ADAMTS17: variants seen among roughly 807,000 people sequenced by gnomAD.
ADAMTS17 encodes A disintegrin and metalloproteinase with thrombospondin motifs 17.
A neutral mutation model predicts 141.5 loss-of-function variants in ADAMTS17; 113 were observed. That is an observed-to-expected ratio of 0.80 (90% CI 0.69 to 0.93). ADAMTS17 has a LOEUF of 0.93. Among genes scored for constraint, ADAMTS17 ranks in the 40% least tolerant of loss-of-function variants. The probability of loss-of-function intolerance (pLI) is 0.00; values close to 1 mark genes in which losing one functional copy is unlikely to be tolerated. For missense variants in ADAMTS17, 1,659 were observed against 1,517.9 expected, an observed-to-expected ratio of 1.09 and a Z score of -1.54; for synonymous variants, 768 against 630.6, an observed-to-expected ratio of 1.22 and a Z score of -3.27.
At position 100,328,295 on chromosome 15, in the gene ADAMTS17, T is replaced by A. The variant is rs115709115; in HGVS notation, c.616+2594A>T. On this transcript the variant is annotated intron_variant, in intron 3 of 21. Transcript: ENST00000268070. ...TGTTTGAAAGCTAATCCAAACTAGA[T>A]AGGGCCTAACTGACTGCTCATTAGC... is the stretch of plus-strand genomic sequence containing the variant. Among the ~76,000 whole-genome samples the A allele has an allele frequency of 1.9e-3, 287 of 152,334 alleles. 1 individual carries two copies. The highest frequency in any genetic ancestry group is 6.6e-3 in the African/African-American group (274 of 41,586).
At position 100,055,508 on chromosome 15, in the gene ADAMTS17, C is replaced by G. The variant is rs529940984; in HGVS notation, c.2138-1454G>C. On this transcript the variant is annotated intron_variant, in intron 15 of 21. Coordinates refer to ENST00000268070, the MANE Select transcript of ADAMTS17 (RefSeq NM_139057.4). ...GTGTTAGAGGGACTGCCAAGAGAAA[C>G]AGGTTCCTCGCTTCTAGGAACTTTC... Among the ~76,000 whole-genome samples, 5 of 152,288 alleles carry G rather than the reference C, an allele frequency of 3.3e-5. No homozygotes were observed. In the South Asian group the frequency reaches 1.0e-3, roughly 32 times the overall value.
chr15:100,310,439 G>A (rs1020964419), intron 3 of ADAMTS17, among the ~76,000 whole-genome samples: 2 of 152,204 alleles, frequency 1.3e-5, no homozygotes, highest in Non-Finnish European at 1.5e-5. Flanking sequence ...CTTCGCAGGG[G>A]CCCAGCAGGC....
At chr15:100,096,201 T>C (rs2035746086) in intron 15 of ADAMTS17, among the ~76,000 whole-genome samples, 155 bp downstream of exon 15, 1 of 152,216 alleles carries the variant, frequency 6.6e-6, no homozygotes, top group African/African-American at 2.4e-5. Flanking sequence ...TAAAATGTCC[T>C]TTCTTGCTTT....
intron 6 of ADAMTS17, 52 bp from the exon 7 acceptor site, chr15:100,254,231 G>A (rs747923862): frequency 2.0e-5 from 30 of 1,537,594 alleles, no homozygotes; most frequent in Non-Finnish European, 2.5e-5. Flanking sequence ...CCAAGAATGG[G>A]AGAAGAAAAC....
chr15:100,286,960 T>A (rs1322403878), intron 3 of ADAMTS17, among the ~76,000 whole-genome samples: 1 of 152,170 alleles, frequency 6.6e-6, no homozygotes, highest in African/African-American at 2.4e-5. Flanking sequence ...AAGGCCGAAG[T>A]GGGCGGATCA....
At chr15:100,134,342 C>T (rs1298575192) in intron 10 of ADAMTS17, among the ~76,000 whole-genome samples, 1 of 152,210 alleles carries the variant, frequency 6.6e-6, no homozygotes, top group Non-Finnish European at 1.5e-5. Flanking sequence ...CTACTTGCAC[C>T]CAAATCCTGG....
At chr15:100,072,731 C>A (rs1036827087) in intron 15 of ADAMTS17, among the ~76,000 whole-genome samples, 66 of 152,264 alleles carry the variant, frequency 4.3e-4, no homozygotes, top group Non-Finnish European at 7.9e-4. Context: ...TGGATCCCCT[C>A]CTTACACCTT....
intron 3 of ADAMTS17, among the ~76,000 whole-genome samples, chr15:100,312,025 G>A (rs553142415): frequency 1.3e-5 from 2 of 152,324 alleles, no homozygotes; most frequent in East Asian, 1.9e-4. Context: ...CTGCAGGAGG[G>A]ATGGTCGTCC....
At chr15:100,050,348 C>A (rs190964396) in intron 17 of ADAMTS17, among the ~76,000 whole-genome samples, 1 of 152,164 alleles carries the variant, frequency 6.6e-6, no homozygotes, top group Admixed American at 6.5e-5. Context: ...TGGCTGGAAT[C>A]AGAGGTAGAT....
intron 8 of ADAMTS17, among the ~76,000 whole-genome samples, chr15:100,195,543 C>T (rs932660902): frequency 2.0e-5 from 3 of 149,068 alleles, no homozygotes; most frequent in Non-Finnish European, 4.4e-5. Context: ...TTCACATTTT[C>T]ACCGGCATCA....
chr15:100,057,995 G>A (rs950468017), intron 15 of ADAMTS17, among the ~76,000 whole-genome samples: 6 of 152,006 alleles, frequency 3.9e-5, no homozygotes, highest in South Asian at 2.1e-4. Context: ...GGCAGAACAG[G>A]CGAGGAAAGA....
intron 8 of ADAMTS17, among the ~76,000 whole-genome samples, chr15:100,173,754 C>A (rs899279610): frequency 1.3e-5 from 2 of 152,220 alleles, no homozygotes; most frequent in African/African-American, 4.8e-5. Flanking sequence ...ACTTGGGAAA[C>A]TTTTAACACA....
intron 13 of ADAMTS17, 36 bp downstream of exon 13, chr15:100,116,811 G>A (rs1333307637): frequency 6.2e-7 from 1 of 1,613,762 alleles, no homozygotes; most frequent in Non-Finnish European, 8.5e-7. Flanking sequence ...GGGAGGACAG[G>A]AGGCTGCCAT....
rs1296406009 is a variant in ADAMTS17, at chr15:100,225,767, T to TG, written c.1076-26345_1076-26344insC. ...GTCCTTATAGCAGTCATAGCCTCTG[T>TG]CCCATTCTGTCCTTACAGCAGTCAC... On this transcript the variant is annotated intron_variant, in intron 7 of 21. Coordinates refer to ENST00000268070, the MANE Select transcript of ADAMTS17 (RefSeq NM_139057.4). 2.4e-3 allele frequency among the ~76,000 whole-genome samples: 349 copies of TG among 144,874 alleles called. 1 individual carries two copies. The highest frequency in any genetic ancestry group is 8.8e-3 in the East Asian group (40 of 4,564).
chr15:100,158,555 C>G (rs1004532770), intron 8 of ADAMTS17, among the ~76,000 whole-genome samples: 7 of 152,178 alleles, frequency 4.6e-5, no homozygotes, highest in African/African-American at 1.4e-4. Context: ...CTGAGCTCCA[C>G]TGAAACTCGA....
chr15:100,121,953 T>C (rs940090088), intron 12 of ADAMTS17, among the ~76,000 whole-genome samples: 6 of 152,162 alleles, frequency 3.9e-5, no homozygotes, highest in African/African-American at 1.4e-4. Flanking sequence ...ACATCTTAAG[T>C]GTGGCTTCCC....
At chr15:100,309,104 G>A (rs2045321628) in intron 3 of ADAMTS17, among the ~76,000 whole-genome samples, 1 of 152,244 alleles carries the variant, frequency 6.6e-6, no homozygotes, top group African/African-American at 2.4e-5. Flanking sequence ...GCTCAAGCCT[G>A]TGATCCCAGC....
chr15:100,206,781 C>G (rs2041585887), intron 7 of ADAMTS17, among the ~76,000 whole-genome samples: 1 of 152,186 alleles, frequency 6.6e-6, no homozygotes, highest in Admixed American at 6.5e-5. Context: ...TTCAGAGATT[C>G]AAATGCGACC....
intron 10 of ADAMTS17, among the ~76,000 whole-genome samples, chr15:100,147,522 A>G (rs2038966095): frequency 6.6e-6 from 1 of 152,200 alleles, no homozygotes; most frequent in Admixed American, 6.5e-5. Context: ...AGGCAACTGT[A>G]ACACAATGGT....
Sources: gnomAD v4.1 joint callset for allele counts (sites outside exome capture counted in the v4.1 genomes callset) on GRCh38, gnomAD v4.1.1 for gene constraint, MANE v1.5 for transcripts, NCBI Gene and HGNC (gene_info 2026-07-23, HGNC 2026-07-21) for gene names.